EDNRB: variants seen among roughly 807,000 people sequenced by gnomAD.
The protein encoded by EDNRB is Hirschsprung disease 2.
In EDNRB, 18 loss-of-function variants were observed where a neutral mutation model predicts 46.4. That is an observed-to-expected ratio of 0.39 (90% CI 0.27 to 0.57). EDNRB has a LOEUF of 0.57. Ranked by LOEUF, EDNRB falls within the 20% of genes least tolerant of loss-of-function variation. The pLI is 0.61. For synonymous variants in EDNRB, 213 were observed against 204.9 expected, an observed-to-expected ratio of 1.04 and a Z score of -0.34; for missense variants, 434 against 537.5, an observed-to-expected ratio of 0.81 and a Z score of 1.90.
rs543375862 is a variant in EDNRB at position 77,901,133 on chromosome 13, A to G, written c.876T>C (p.Phe292=). 3.7e-6 allele frequency: 6 copies of G among 1,611,584 alleles called. No individual in the cohort carries two copies. The African/African-American group carries it at 8.0e-5, about 22-fold the overall frequency. ...ACATTTCACAGGTCATTAGTGTATA[A>G]AAAAATGCAGTGATGGCCAATGGCA... ...FCLPLAITAF[F]YTLMTCEMLR... Residue 292 remains phenylalanine (F), a synonymous_variant, in exon 4 of 7, where the codon TTT becomes TTC. Transcript: ENST00000646607.
upstream of EDNRB, chr13:77,919,447 C>A (rs763338098): frequency 6.3e-5 from 101 of 1,612,548 alleles, no homozygotes; most frequent in South Asian, 1.1e-3. Context: ...GACCACCTTC[C>A]CGGGAGGCGG....
intron 3 of EDNRB, among the ~76,000 whole-genome samples, chr13:77,902,931 T>C (rs1879073452): frequency 6.6e-6 from 1 of 151,972 alleles, no homozygotes; most frequent in Non-Finnish European, 1.5e-5. Flanking sequence ...ACCTGGTTTA[T>C]CTATGCCACT....
chr13:77,900,456 A>T, intron 5 of EDNRB, 65 bp downstream of exon 5: 2 of 1,605,624 alleles, frequency 1.2e-6, no homozygotes, highest in Non-Finnish European at 1.7e-6. Flanking sequence ...CCTATAAAAA[A>T]GATCGATGGA....
At chr13:77,956,214 C>T (rs1294817398) in intron 1 of EDNRB, among the ~76,000 whole-genome samples, 1 of 152,126 alleles carries the variant, frequency 6.6e-6, no homozygotes. Flanking sequence ...CAGTGTCTTA[C>T]ACTTTTCAGT....
chr13:77,925,393 T>C (rs1880208984), intron 1 of EDNRB, among the ~76,000 whole-genome samples: 1 of 152,208 alleles, frequency 6.6e-6, no homozygotes, highest in Admixed American at 6.5e-5. Context: ...TGCAGACTCA[T>C]GATCATGGCA....
intron 1 of EDNRB, among the ~76,000 whole-genome samples, chr13:77,973,157 A>T (rs1259033226): frequency 6.6e-6 from 1 of 152,196 alleles, no homozygotes; most frequent in Non-Finnish European, 1.5e-5. Flanking sequence ...TGGACTTTAT[A>T]GTCCTTAGTG....
At chr13:77,911,159 C>T (rs925206651) in intron 1 of EDNRB, among the ~76,000 whole-genome samples, 1 of 151,988 alleles carries the variant, frequency 6.6e-6, no homozygotes, top group Non-Finnish European at 1.5e-5. Context: ...CAAACCTGGC[C>T]TATTATTAGT....
intron 1 of EDNRB, among the ~76,000 whole-genome samples, chr13:77,959,663 C>T (rs190243950): frequency 4.6e-5 from 7 of 152,330 alleles, no homozygotes; most frequent in Admixed American, 2.0e-4. Flanking sequence ...CTCAGCTCTT[C>T]GCCAGCAATG....
intron 1 of EDNRB, among the ~76,000 whole-genome samples, chr13:77,953,735 T>C (rs1881157449): frequency 6.6e-6 from 1 of 152,132 alleles, no homozygotes; most frequent in Admixed American, 6.6e-5. Context: ...TTGAATGAAG[T>C]AAAGGGCATT....
At chr13:77,961,933 A>T (rs1255190123) in intron 1 of EDNRB, among the ~76,000 whole-genome samples, 1 of 152,186 alleles carries the variant, frequency 6.6e-6, no homozygotes, top group African/African-American at 2.4e-5. Context: ...TGCAATAAAA[A>T]ATGATAAAGG....
chr13:77,946,702 T>A (rs1880930559), intron 1 of EDNRB, among the ~76,000 whole-genome samples: 1 of 152,080 alleles, frequency 6.6e-6, no homozygotes, highest in Non-Finnish European at 1.5e-5. Context: ...TGACAGGAAT[T>A]CAAGTGAGCA....
At chr13:77,971,969 T>G (rs1484031481) in intron 1 of EDNRB, among the ~76,000 whole-genome samples, 1 of 152,204 alleles carries the variant, frequency 6.6e-6, no homozygotes, top group Non-Finnish European at 1.5e-5. Flanking sequence ...GAACAAGGGC[T>G]GACTGATTGA....
chr13:77,955,897 T>C (rs905807183), intron 1 of EDNRB, among the ~76,000 whole-genome samples: 1 of 135,894 alleles, frequency 7.4e-6, no homozygotes, highest in African/African-American at 2.9e-5. Context: ...ATCTATCTAT[T>C]TTTATGCCAG....
At chr13:77,930,361 A>T (rs556594714) in intron 1 of EDNRB, among the ~76,000 whole-genome samples, 12 of 152,340 alleles carry the variant, frequency 7.9e-5, no homozygotes, top group Non-Finnish European at 1.6e-4. Flanking sequence ...ATGTACTTAC[A>T]TGCATGAAGT....
chr13:77,919,679 C>A (rs1018527474), upstream of EDNRB: 14 of 1,482,880 alleles, frequency 9.4e-6, no homozygotes, highest in Non-Finnish European at 1.1e-5. Context: ...TGCAACCTTT[C>A]CCCTTGGGCG....
chr13:77,949,176 A>G (rs764393916), intron 1 of EDNRB, among the ~76,000 whole-genome samples: 24 of 152,220 alleles, frequency 1.6e-4, no homozygotes, highest in Non-Finnish European at 2.4e-4. Context: ...TGTCACTTAG[A>G]TTTCTCTTCA....
chr13:77,926,283 C>G (rs1224473556), intron 1 of EDNRB, among the ~76,000 whole-genome samples: 2 of 152,122 alleles, frequency 1.3e-5, no homozygotes, highest in Non-Finnish European at 2.9e-5. Flanking sequence ...TTTTTCTTTT[C>G]TATTGCATCG....
intron 1 of EDNRB, among the ~76,000 whole-genome samples, chr13:77,913,061 G>T (rs1186608376): frequency 6.6e-6 from 1 of 152,072 alleles, no homozygotes; most frequent in African/African-American, 2.4e-5. Flanking sequence ...TACAAAACTA[G>T]TTAATTATAC....
rs1165997142 is a variant in EDNRB, at chr13:77,897,941, T to A, written c.*259A>T. The A allele has an allele frequency of 8.9e-6, 11 of 1,231,870 alleles. No homozygotes were observed. In the Admixed American group the frequency reaches 4.2e-4, roughly 47 times the overall value. 76.3% of individuals were successfully genotyped at this position (1,231,870 alleles called of 1,614,324 possible). ...GAATATCCTGGAAGTTGTTAAGAGC[T>A]ATGTTGAAGTGCTAACTGTAAAAAA... On this transcript the variant is annotated 3_prime_UTR_variant, in exon 7 of 7. Transcript: ENST00000646607.
Sources: allele counts gnomAD v4.1 joint callset (sites outside exome capture counted in the v4.1 genomes callset), GRCh38; gene constraint gnomAD v4.1.1; transcripts MANE v1.5; gene names NCBI Gene and HGNC (gene_info 2026-07-23, HGNC 2026-07-21).